Variants in FIG4 observed in about 807,000 individuals in gnomAD.
FIG4 encodes the protein FIG4 phosphoinositide 5-phosphatase, also known as polyphosphoinositide phosphatase.
A neutral mutation model predicts 118.6 loss-of-function variants in FIG4; 112 were observed. That is an observed-to-expected ratio of 0.94 (90% CI 0.81 to 1.11). The LOEUF (loss-of-function observed/expected upper bound fraction) is 1.11. FIG4 is among the 50% of genes least tolerant of loss of function. The probability of loss-of-function intolerance (pLI) is 0.00; values close to 1 mark genes in which losing one functional copy is unlikely to be tolerated. For missense variants in FIG4, 969 were observed against 1,111.7 expected (o/e 0.87, Z 1.83); for synonymous variants, 369 against 381.2 (o/e 0.97, Z 0.37).
At chr6:109,704,404 C>T (rs1253737341) in intron 1 of FIG4, among the ~76,000 whole-genome samples, 1 of 151,900 alleles carries the variant, frequency 6.6e-6, no homozygotes, top group Non-Finnish European at 1.5e-5. Flanking sequence ...GCCTGTAATC[C>T]CAGCACTTTG....
At chr6:109,699,855 A>G (rs942693851) in intron 1 of FIG4, among the ~76,000 whole-genome samples, 1 of 152,170 alleles carries the variant, frequency 6.6e-6, no homozygotes, top group Non-Finnish European at 1.5e-5. Context: ...AGGCTGCTGT[A>G]ACAAAATCCC....
intron 1 of FIG4, among the ~76,000 whole-genome samples, chr6:109,700,873 T>C (rs1583625258): frequency 6.6e-6 from 1 of 152,222 alleles, no homozygotes; most frequent in South Asian, 2.1e-4. Flanking sequence ...ATCCCCAGGA[T>C]AGCTCATTAT....
chr6:109,808,983 G>A (rs545722966), intron 22 of FIG4, among the ~76,000 whole-genome samples: 1 of 152,282 alleles, frequency 6.6e-6, no homozygotes, highest in South Asian at 2.1e-4. Context: ...AAAAACTCAT[G>A]CATGGGTAAA....
chr6:109,802,940 G>A (rs964172508), intron 22 of FIG4, among the ~76,000 whole-genome samples: 1 of 152,050 alleles, frequency 6.6e-6, no homozygotes, highest in African/African-American at 2.4e-5. Flanking sequence ...CATATTGCCC[G>A]TTTTATTTTG....
At chr6:109,804,846 T>C (rs893809132) in intron 22 of FIG4, among the ~76,000 whole-genome samples, 3 of 152,192 alleles carry the variant, frequency 2.0e-5, no homozygotes, top group African/African-American at 7.2e-5. Flanking sequence ...CTAAAACTAA[T>C]ATAAAGAGAC....
chr6:109,772,012 G>A (rs1009443672), intron 15 of FIG4, among the ~76,000 whole-genome samples: 1 of 152,092 alleles, frequency 6.6e-6, no homozygotes, highest in Non-Finnish European at 1.5e-5. Context: ...CTCTTGAAAG[G>A]GTTGTCTCCA....
chr6:109,816,844 C>G (rs1778874610), intron 22 of FIG4, among the ~76,000 whole-genome samples: 1 of 152,236 alleles, frequency 6.6e-6, no homozygotes, highest in Non-Finnish European at 1.5e-5. Context: ...ATGAGACTAT[C>G]AGAACGCACA....
chr6:109,745,850 C>T (rs1439724160), intron 10 of FIG4, among the ~76,000 whole-genome samples: 2 of 151,966 alleles, frequency 1.3e-5, no homozygotes, highest in Non-Finnish European at 2.9e-5. Context: ...AGATTCAGTG[C>T]CATCCTCATC....
chr6:109,814,691 CAG>C (rs952796102), intron 22 of FIG4, among the ~76,000 whole-genome samples: 64 of 152,150 alleles, frequency 4.2e-4, no homozygotes, highest in African/African-American at 1.5e-3. Context: ...CAAATTTCAC[CAG>C]AGTCTCCTCA....
chr6:109,798,523 T>G (rs1435801995), intron 22 of FIG4, among the ~76,000 whole-genome samples: 1 of 152,112 alleles, frequency 6.6e-6, no homozygotes, highest in African/African-American at 2.4e-5. Context: ...AATCTGGAAC[T>G]CAGAAGAGAA....
chr6:109,694,360 A>C (rs1043332082), intron 1 of FIG4, among the ~76,000 whole-genome samples: 6 of 152,206 alleles, frequency 3.9e-5, no homozygotes, highest in Non-Finnish European at 7.3e-5. Flanking sequence ...TCTTCAATAA[A>C]TGGTGTTGAG....
At chr6:109,730,611 A>G (rs554780234) in intron 4 of FIG4, among the ~76,000 whole-genome samples, 1 of 152,296 alleles carries the variant, frequency 6.6e-6, no homozygotes, top group East Asian at 1.9e-4. Context: ...GTGTTGAGAA[A>G]GCCTAGAAAA....
chr6:109,778,231 C>A (rs894897109), intron 16 of FIG4, among the ~76,000 whole-genome samples: 1 of 151,354 alleles, frequency 6.6e-6, no homozygotes, highest in African/African-American at 2.4e-5. Context: ...GAGGCCAAGG[C>A]GGGAGGATTA....
intron 13 of FIG4, 100 bp from the exon 14 acceptor site, chr6:109,764,912 TG>T (rs1258328104): frequency 1.5e-5 from 16 of 1,102,812 alleles, no homozygotes; most frequent in Admixed American, 1.9e-5. Flanking sequence ...TTTTTGTTTT[TG>T]TTTTTGTTTT....
In FIG4 at chr6:109,766,873, A is replaced by G. The variant is rs1006163300; in HGVS notation, c.1728A>G (p.Arg576=). 5.6e-6 allele frequency: 9 copies of G among 1,613,962 alleles called. No homozygotes were observed. The highest frequency in any genetic ancestry group is 2.7e-5 in the African/African-American group (2 of 74,930). Residue 576 remains arginine, a synonymous_variant, in exon 15 of 23, where the codon AGA becomes AGG. Transcript: ENST00000230124. ...HSKDIMQTLS[R]YYSNAFSDAD... ...AAGACATCATGCAAACCCTGTCTAG[A>G]TATTACAGCAATGCTTTTTCAGGTA...
At chr6:109,743,645 A>G (rs756323759) in intron 9 of FIG4, 30 bp from the exon 10 acceptor site, 1 of 1,537,040 alleles carries the variant, frequency 6.5e-7, no homozygotes, top group Non-Finnish European at 9.0e-7. Flanking sequence ...ATTTTCATTC[A>G]GGTGCTTTTT....
intron 22 of FIG4, among the ~76,000 whole-genome samples, chr6:109,807,311 A>G (rs879341903): frequency 1.3e-5 from 2 of 152,156 alleles, no homozygotes; most frequent in African/African-American, 4.8e-5. Flanking sequence ...TCTAACTGGC[A>G]TGAGATGGTA....
intron 12 of FIG4, among the ~76,000 whole-genome samples, chr6:109,763,317 A>C (rs1777168245): frequency 6.6e-6 from 1 of 152,254 alleles, no homozygotes; most frequent in African/African-American, 2.4e-5. Context: ...AGGACTTTCT[A>C]AGGATAGCAG....
intron 16 of FIG4, among the ~76,000 whole-genome samples, chr6:109,779,690 A>G (rs1345630776): frequency 6.6e-6 from 1 of 152,184 alleles, no homozygotes; most frequent in Non-Finnish European, 1.5e-5. Context: ...GATAAATTTC[A>G]GTGGGTTTTT....
Sources: allele counts gnomAD v4.1 joint callset (sites outside exome capture counted in the v4.1 genomes callset), GRCh38; gene constraint gnomAD v4.1.1; transcripts MANE v1.5; gene names NCBI Gene and HGNC (gene_info 2026-07-23, HGNC 2026-07-21).